The following NTSR1 variants were observed in gnomAD, a reference collection of about 807,000 sequenced individuals.
The protein encoded by NTSR1 is neurotensin receptor 1, also known as neurotensin receptor type 1.
In NTSR1, 29 loss-of-function variants were observed where a neutral mutation model predicts 31.2. That is an observed-to-expected ratio of 0.93 (90% confidence interval 0.69 to 1.27). The LOEUF is 1.27. NTSR1 is among the 50% of genes most tolerant of loss of function. The pLI is 0.00. For missense variants in NTSR1, 697 were observed against 595.4 expected (o/e 1.17, Z -1.78); for synonymous variants, 282 against 269.9 (o/e 1.04, Z -0.44).
At chr20:62,728,561 T>A (rs1303932897) in intron 1 of NTSR1, among the ~76,000 whole-genome samples, 1 of 152,156 alleles carries the variant, frequency 6.6e-6, no homozygotes, top group Non-Finnish European at 1.5e-5. Flanking sequence ...TCCATTTCGG[T>A]GAAAGTGGAG....
At chr20:62,726,808 C>T (rs1175380514) in intron 1 of NTSR1, among the ~76,000 whole-genome samples, 2 of 152,128 alleles carry the variant, frequency 1.3e-5, no homozygotes, top group African/African-American at 4.8e-5. Context: ...CTAAGACAAG[C>T]CTGGCCCCGG....
chr20:62,739,617 C>T (rs1303159505), intron 1 of NTSR1, among the ~76,000 whole-genome samples: 1 of 152,230 alleles, frequency 6.6e-6, no homozygotes, highest in Non-Finnish European at 1.5e-5. Context: ...TGTGTGTTCA[C>T]CATAATCAGA....
chr20:62,709,875 T>C lies in NTSR1; in HGVS notation c.668T>C (p.Val223Ala). The C allele has an allele frequency of 6.2e-7, 1 of 1,606,180 alleles. No homozygotes were observed. Among genetic ancestry groups the C allele is most frequent in the Non-Finnish European group, 8.5e-7 (1 of 1,175,120 alleles). ...GACGGCCAGCACGCCGGCGGCCTGG[T>C]GTGCACCCCCACCATCCACACTGCC... ...SADGQHAGGL[V>A]CTPTIHTATV... The change falls in exon 1 of 4, where the codon GTG becomes GCG. Residue 223 changes from valine to alanine, a missense_variant. Val to Ala is a moderately conservative substitution (Grantham distance 64, BLOSUM62 0). Coordinates refer to ENST00000370501, the MANE Select transcript of NTSR1 (RefSeq NM_002531.3).
intron 1 of NTSR1, among the ~76,000 whole-genome samples, chr20:62,730,638 T>C (rs907761614): frequency 2.0e-5 from 3 of 152,238 alleles, no homozygotes; most frequent in African/African-American, 2.4e-5. Flanking sequence ...TAAGGATACG[T>C]TGAGCTTTGT....
chr20:62,751,977 A>C (rs143455555), intron 1 of NTSR1, among the ~76,000 whole-genome samples: 3 of 152,290 alleles, frequency 2.0e-5, no homozygotes, highest in Non-Finnish European at 2.9e-5. Context: ...ACTCAGGTAC[A>C]TCCCAGTGGC....
chr20:62,759,532 TG>T (rs1417938534), intron 3 of NTSR1, among the ~76,000 whole-genome samples: 2 of 150,584 alleles, frequency 1.3e-5, no homozygotes, highest in African/African-American at 4.9e-5. Context: ...CCCAGCACTT[TG>T]GGAGGCTGAG....
intron 1 of NTSR1, among the ~76,000 whole-genome samples, chr20:62,726,657 T>G (rs1415229637): frequency 6.7e-6 from 1 of 148,836 alleles, no homozygotes; most frequent in Non-Finnish European, 1.5e-5. Flanking sequence ...ATGGCACTAC[T>G]GCACTCCAGC....
In NTSR1 at chr20:62,754,819, CA is replaced by C; in HGVS notation, c.850del (p.Ser284AlafsTer65). 1 of 1,609,592 alleles carries C rather than the reference CA, an allele frequency of 6.2e-7. No individual in the cohort carries two copies. Among genetic ancestry groups the C allele is most frequent in the South Asian group, 1.1e-5 (1 of 91,080 alleles). ...AAGTGTGCACGGTCGGGGGCGAGCACAGCACATTCAGCATGGCCATCGAGCC... is the reference window on the plus strand; with the variant it reads ...AAGTGTGCACGGTCGGGGGCGAGCACGCACATTCAGCATGGCCATCGAGCC... The part of the protein sequence containing the change: ...GQVCTVGGEH[S>X]TFSMAIEPGR... On this transcript the variant is annotated frameshift_variant, in exon 2 of 4. Transcript: ENST00000370501. LOFTEE classifies it high-confidence loss of function.
rs1350175877 is a variant in NTSR1, at chr20:62,709,218, A to G, written c.11A>G (p.Asn4Ser). The change falls in exon 1 of 4, where the codon AAC becomes AGC. Residue 4 changes from asparagine (N) to serine (S), a missense_variant. Physicochemically the swap from Asn to Ser is conservative, Grantham distance 46 (BLOSUM62 1). Coordinates refer to ENST00000370501, the MANE Select transcript of NTSR1 (RefSeq NM_002531.3). ...ACTCCAGCGCCCACCATGCGCCTCA[A>G]CAGCTCCGCGCCGGGAACCCCGGGC... MRL[N>S]SSAPGTPGTP... is the part of the protein sequence containing the mutation. The G allele has an allele frequency of 1.4e-6, 2 of 1,472,026 alleles. No homozygotes were observed. The highest frequency in any genetic ancestry group is 1.8e-6 in the Non-Finnish European group (2 of 1,119,750). 91.2% of individuals were successfully genotyped at this position (1,472,026 alleles called of 1,614,324 possible). A position where few individuals can be genotyped will look rare whatever the true frequency, so the allele number is the denominator to read the frequency against.
intron 1 of NTSR1, among the ~76,000 whole-genome samples, chr20:62,738,872 C>T (rs1600728526): frequency 1.3e-5 from 2 of 152,332 alleles, no homozygotes; most frequent in East Asian, 3.9e-4. Flanking sequence ...GGAGACAGGG[C>T]CAGCACGAGA....
At chr20:62,712,913 C>T (rs1988644396) in intron 1 of NTSR1, among the ~76,000 whole-genome samples, 1 of 152,184 alleles carries the variant, frequency 6.6e-6, no homozygotes, top group South Asian at 2.1e-4. Context: ...CATCAGAGTC[C>T]CATGCTTATC....
chr20:62,758,348 G>A lies in NTSR1; in HGVS notation c.999G>A (p.Gln333=). The A allele has an allele frequency of 6.2e-7, 1 of 1,613,598 alleles. No homozygotes were observed. Residue 333 remains glutamine, a synonymous_variant, in exon 3 of 4, where the codon CAG becomes CAA. Coordinates refer to ENST00000370501, the MANE Select transcript of NTSR1 (RefSeq NM_002531.3). This position sits in a 1 kb window ranked among gnomAD's most constrained non-coding sequence, Gnocchi z 4.5. The part of the protein sequence containing the change: ...RLMFCYISDE[Q]WTPFLYDFYH... ...TGTTCTGCTACATCTCGGATGAGCA[G>A]TGGACTCCGTGAGTACCGGGAACCA...
intron 1 of NTSR1, among the ~76,000 whole-genome samples, chr20:62,753,245 G>C (rs1989423747): frequency 6.6e-6 from 1 of 152,214 alleles, no homozygotes; most frequent in Non-Finnish European, 1.5e-5. Context: ...GAGGGGGCCA[G>C]GGAGAAAACC....
intron 1 of NTSR1, among the ~76,000 whole-genome samples, chr20:62,738,168 G>A (rs1294474509): frequency 1.7e-5 from 2 of 117,922 alleles, no homozygotes; most frequent in East Asian, 3.2e-4. Context: ...CGCAGTGCAC[G>A]CAGAGGGTGA....
chr20:62,718,554 G>A (rs147088841), intron 1 of NTSR1, among the ~76,000 whole-genome samples: 284 of 6,944 alleles, frequency 0.041, 2 homozygotes, highest in African/African-American at 0.13. Context: ...CCCGATGCCC[G>A]CCCCTCCACC....
At position 62,709,701 on chromosome 20, in the gene NTSR1, A is replaced by G; in HGVS notation, c.494A>G (p.Glu165Gly). 1 of 1,612,690 alleles carries G rather than the reference A, an allele frequency of 6.2e-7. No homozygotes were observed. The highest frequency in any genetic ancestry group is 8.5e-7 in the Non-Finnish European group (1 of 1,179,850). ...TALNVASLSV[E>G]RYLAICHPFK... ...CTCAACGTGGCCAGCCTGAGTGTGG[A>G]GCGCTACCTGGCCATCTGCCACCCC... Residue 165 changes from glutamate (E) to glycine (G), a missense_variant, in exon 1 of 4, where the codon GAG (glutamate) becomes GGG (glycine). Transcript: ENST00000370501.
intron 1 of NTSR1, among the ~76,000 whole-genome samples, chr20:62,735,040 G>A (rs992533562): frequency 2.0e-5 from 3 of 152,136 alleles, no homozygotes; most frequent in Non-Finnish European, 4.4e-5. Flanking sequence ...GGCACCAGCC[G>A]GTGCTGAGGC....
chr20:62,734,774 T>C (rs561985504), intron 1 of NTSR1, among the ~76,000 whole-genome samples: 21 of 152,388 alleles, frequency 1.4e-4, no homozygotes, highest in South Asian at 1.2e-3. Context: ...ACTAATACCG[T>C]TGCAAGTTGA....
intron 1 of NTSR1, among the ~76,000 whole-genome samples, chr20:62,725,909 G>A (rs758443833): frequency 6.6e-5 from 10 of 152,154 alleles, no homozygotes; most frequent in Admixed American, 4.6e-4. Flanking sequence ...AAAGGTGGCC[G>A]GCCCTGGCTT....
Sources: allele counts gnomAD v4.1 joint callset (sites outside exome capture counted in the v4.1 genomes callset), GRCh38; gene constraint gnomAD v4.1.1; non-coding constraint Gnocchi (gnomAD v3.1); transcripts MANE v1.5; gene names NCBI Gene and HGNC (gene_info 2026-07-23, HGNC 2026-07-21).